The following PARP8 variants were observed in gnomAD, a reference collection of about 807,000 sequenced individuals.
PARP8 encodes poly(ADP-ribose) polymerase family member 8, also known as protein mono-ADP-ribosyltransferase PARP8.
PARP8 carries 51 observed loss-of-function variants against 124.1 expected under a neutral mutation model. The ratio of observed to expected loss-of-function variants is 0.41; its 90% confidence interval spans 0.33 to 0.52. PARP8 has a LOEUF of 0.52. Ranked by LOEUF, PARP8 falls within the 20% of genes least tolerant of loss-of-function variation. The pLI is 0.21. For missense variants in PARP8, 860 were observed against 1,018.9 expected (o/e 0.84, Z 2.12); for synonymous variants, 391 against 361.5 (o/e 1.08, Z -0.93).
At position 50,844,513 on chromosome 5, in the gene PARP8, C is replaced by T. The variant is rs1049016478; in HGVS notation, c.*2445C>T. 3.3e-5 allele frequency: 5 copies of T among 151,716 alleles called. No individual in the cohort carries two copies. Among genetic ancestry groups the T allele is most frequent in the Non-Finnish European group, 7.4e-5 (5 of 67,806 alleles). The allele number at this position is 151,716 out of a possible 1,614,324, so 9.4% of individuals were successfully genotyped here. On this transcript the variant is annotated 3_prime_UTR_variant, in exon 26 of 26. Coordinates refer to ENST00000281631, the MANE Select transcript of PARP8 (RefSeq NM_024615.4). ...AATTTAGAGATTTGAACACTGTTAT[C>T]ATGCTTTAATTCAGTCATTCATTAA...
At chr5:50,814,972 TA>T (rs1744933178) in intron 14 of PARP8, among the ~76,000 whole-genome samples, 6 of 151,944 alleles carry the variant, frequency 3.9e-5, no homozygotes, top group Admixed American at 3.9e-4. Context: ...AGAATCATGC[TA>T]TTTTTTTTTT....
Position 50,794,254 on chromosome 5 carries a change from A to G in PARP8, c.785A>G (p.Lys262Arg). 1 of 1,613,640 alleles carries G rather than the reference A, an allele frequency of 6.2e-7. No homozygotes were observed. The highest frequency in any genetic ancestry group is 8.5e-7 in the Non-Finnish European group (1 of 1,179,698). ...CAGCAGTGGAAACAGAGCAAAGAAA[A>G]ATCCAATTGCCTGCACAATAAAAAG... is the stretch of plus-strand genomic sequence containing the variant. ...VTQQWKQSKEKSNCLHNKKLS... is the reference protein window; with the variant it reads ...VTQQWKQSKERSNCLHNKKLS... Residue 262 changes from lysine to arginine, a missense_variant, in exon 11 of 26, where the codon AAA becomes AGA. Transcript: ENST00000281631.
In PARP8 at chr5:50,844,966, T is replaced by G. The variant is rs1412362956; in HGVS notation, c.*2898T>G. On this transcript the variant is annotated 3_prime_UTR_variant, in exon 26 of 26. Coordinates refer to ENST00000281631, the MANE Select transcript of PARP8 (RefSeq NM_024615.4). Reference sequence around the variant, plus strand: ...ATACTTGTTGCTTAGTAAATCTCAGTCATACGTTTGGTTTGAAGCTGTTTT... The same window carrying G: ...ATACTTGTTGCTTAGTAAATCTCAGGCATACGTTTGGTTTGAAGCTGTTTT... 6.6e-6 allele frequency: 1 copy of G among 151,426 alleles called. No individual in the cohort carries two copies. Among genetic ancestry groups the G allele is most frequent in the Non-Finnish European group, 1.5e-5 (1 of 67,688 alleles). 9.4% of individuals were successfully genotyped at this position (151,426 alleles called of 1,614,324 possible). A position where few individuals can be genotyped will look rare whatever the true frequency, so the allele number is the denominator to read the frequency against.
chr5:50,719,888 G>A (rs1240685521), intron 2 of PARP8, among the ~76,000 whole-genome samples: 2 of 152,000 alleles, frequency 1.3e-5, no homozygotes, highest in East Asian at 3.9e-4. Flanking sequence ...ATTATGAAAA[G>A]TCAAAGCCTA....
chr5:50,706,274 T>C (rs1754141643), intron 2 of PARP8, among the ~76,000 whole-genome samples: 1 of 152,186 alleles, frequency 6.6e-6, no homozygotes, highest in African/African-American at 2.4e-5. Context: ...TGACGTTTCA[T>C]ATGCTTTTAC....
chr5:50,804,686 C>G (rs1019401440), intron 14 of PARP8, among the ~76,000 whole-genome samples: 15 of 152,044 alleles, frequency 9.9e-5, no homozygotes, highest in Non-Finnish European at 2.2e-4. Flanking sequence ...AGCATTTGTA[C>G]GCGTAATGTT....
chr5:50,754,010 T>A, intron 3 of PARP8, among the ~76,000 whole-genome samples: 1 of 143,088 alleles, frequency 7.0e-6, no homozygotes, highest in African/African-American at 2.6e-5. Context: ...CTATAAAACA[T>A]ACACATTAAA....
intron 2 of PARP8, among the ~76,000 whole-genome samples, chr5:50,679,511 T>A (rs1330989168): frequency 6.6e-6 from 1 of 152,212 alleles, no homozygotes; most frequent in Non-Finnish European, 1.5e-5. Flanking sequence ...TGTTTCAGGG[T>A]GGGCTCTAGA....
At chr5:50,757,531 G>C (rs1236925052) in intron 3 of PARP8, among the ~76,000 whole-genome samples, 2 of 152,020 alleles carry the variant, frequency 1.3e-5, no homozygotes, top group Admixed American at 1.3e-4. Context: ...TTTATTTGGG[G>C]TAAATTAAGC....
At chr5:50,736,442 A>G (rs1435475882) in intron 2 of PARP8, among the ~76,000 whole-genome samples, 1 of 152,136 alleles carries the variant, frequency 6.6e-6, no homozygotes, top group Non-Finnish European at 1.5e-5. Flanking sequence ...AAACCCAGAA[A>G]TATTTTAAGC....
At chr5:50,744,928 A>G in intron 2 of PARP8, 3 of 589,198 alleles carry the variant, frequency 5.1e-6, no homozygotes, top group Non-Finnish European at 9.0e-6. Flanking sequence ...GTACTCTGCA[A>G]TCTACTTAAG....
intron 7 of PARP8, 74 bp from the exon 8 acceptor site, chr5:50,777,995 A>G (rs1469928635): frequency 3.5e-6 from 4 of 1,141,104 alleles, no homozygotes; most frequent in Non-Finnish European, 5.1e-6. Flanking sequence ...AAAATTTTAA[A>G]TAAAATAACC....
At chr5:50,747,163 G>GTTTTTTTTTTTTTT (rs1211253892) in intron 2 of PARP8, among the ~76,000 whole-genome samples, 15 of 95,500 alleles carry the variant, frequency 1.6e-4, no homozygotes, top group Non-Finnish European at 2.5e-4. Context: ...TGTTTGTTTT[G>GTTTTTTTTTTTTTT]TTTTTTTTTT....
Position 50,795,082 on chromosome 5 carries a change from C to T in PARP8, c.1093C>T (p.Arg365Cys), listed in dbSNP as rs1742381079. The change falls in exon 12 of 26, where the codon CGT (arginine) becomes TGT (cysteine). Residue 365 changes from arginine (R) to cysteine (C), a missense_variant. This residue lies in a region of PARP8 where 517 missense variants were observed against 544.2 expected (regional missense o/e 0.95). Transcript: ENST00000281631. The stretch of plus-strand genomic sequence containing the variant: ...AATTAAATCGCACAAACTTTTGAAC[C>T]GTCCTTGCCCTGCAGCTGTTAAGTC... ...TAIKSHKLLN[R>C]PCPAAVKSEE... 11 of 1,614,158 alleles carry T rather than the reference C, an allele frequency of 6.8e-6. No homozygotes were observed. The highest frequency in any genetic ancestry group is 9.3e-6 in the Non-Finnish European group (11 of 1,180,028).
intron 2 of PARP8, among the ~76,000 whole-genome samples, chr5:50,680,858 C>T (rs953372903): frequency 1.3e-5 from 2 of 152,080 alleles, no homozygotes; most frequent in African/African-American, 4.8e-5. Flanking sequence ...TGTTAGGACC[C>T]AAGGGCATGC....
intron 2 of PARP8, among the ~76,000 whole-genome samples, chr5:50,735,145 T>C (rs557919769): frequency 6.6e-6 from 1 of 152,216 alleles, no homozygotes; most frequent in East Asian, 1.9e-4. Flanking sequence ...TACTTTTGTT[T>C]GGCTTCTGGG....
At chr5:50,811,141 A>G (rs1465998105) in intron 14 of PARP8, among the ~76,000 whole-genome samples, 88 of 152,076 alleles carry the variant, frequency 5.8e-4, no homozygotes, top group Non-Finnish European at 4.4e-5. Flanking sequence ...TTTTAAACCA[A>G]AAACATACAG....
chr5:50,668,071 A>G lies in PARP8; in HGVS notation c.92A>G (p.Asp31Gly). The stretch of plus-strand genomic sequence containing the variant: ...CTTTTGACGGGACTTTCTGTTTCAG[A>G]TTTCAGATACTCTGACTCCACCTTT... ...SRAEKDCLFADFRYSDSTFTF... is the reference protein window; with the variant it reads ...SRAEKDCLFAGFRYSDSTFTF... Residue 31 changes from aspartate to glycine, a missense_variant and splice_region_variant, in exon 2 of 26, where the codon GAT becomes GGT. Coordinates refer to ENST00000281631, the MANE Select transcript of PARP8 (RefSeq NM_024615.4). 6.2e-7 allele frequency: 1 copy of G among 1,612,052 alleles called. No homozygotes were observed. Among genetic ancestry groups the G allele is most frequent in the East Asian group, 2.2e-5 (1 of 44,878 alleles).
chr5:50,801,895 C>A (rs1258206032), intron 14 of PARP8, among the ~76,000 whole-genome samples: 6 of 152,062 alleles, frequency 3.9e-5, no homozygotes, highest in Admixed American at 6.5e-5. Flanking sequence ...TTTTTGTCTT[C>A]AAGTCTATTT....
Sources: gnomAD v4.1 joint callset for allele counts (sites outside exome capture counted in the v4.1 genomes callset) on GRCh38, gnomAD v4.1.1 for gene constraint, gnomAD v4.1.1 regional missense constraint, MANE v1.5 for transcripts, NCBI Gene and HGNC (gene_info 2026-07-23, HGNC 2026-07-21) for gene names.